LRP1B: variants seen among roughly 807,000 people sequenced by gnomAD.
The protein encoded by LRP1B is LDL receptor related protein 1B.
In LRP1B, 217 loss-of-function variants were observed where a neutral mutation model predicts 556.6. The observed-to-expected ratio is 0.39, with a 90% CI of 0.35 to 0.44. The LOEUF is 0.44. Among genes scored for constraint, LRP1B ranks in the 20% least tolerant of loss-of-function variants. The pLI, the probability that LRP1B is intolerant of heterozygous loss-of-function variation, is 1.00. For missense variants in LRP1B, 5,053 were observed against 5,620.8 expected, an observed-to-expected ratio of 0.90 and a Z score of 3.23; for synonymous variants, 2,047 against 1,865.8, an observed-to-expected ratio of 1.10 and a Z score of -2.50.
intron 3 of LRP1B, among the ~76,000 whole-genome samples, chr2:141,295,025 A>G (rs1371356121): frequency 6.6e-6 from 1 of 152,078 alleles, no homozygotes; most frequent in East Asian, 1.9e-4. Context: ...CAAAGTAGCA[A>G]AAATATTTTT....
At chr2:141,966,097 A>G (rs765724807) in intron 1 of LRP1B, among the ~76,000 whole-genome samples, 5 of 151,776 alleles carry the variant, frequency 3.3e-5, no homozygotes, top group South Asian at 2.1e-4. Context: ...TTTGAGGTAA[A>G]GAGAGGTATT....
intron 49 of LRP1B, among the ~76,000 whole-genome samples, chr2:140,524,225 T>G (rs1400256575): frequency 6.6e-6 from 1 of 151,816 alleles, no homozygotes; most frequent in African/African-American, 2.4e-5. Context: ...CATAAAAAAG[T>G]GCTCAATATC....
chr2:140,721,681 G>A lies in LRP1B; in HGVS notation c.5759-4865C>T, dbSNP rs529106341. ...TCCTGCCTCAGCCTCCTGAGTAGCT[G>A]GGAATACAGGCGCCCACCAGCACAC... On this transcript the variant is annotated intron_variant, in intron 35 of 90. Coordinates refer to ENST00000389484, the MANE Select transcript of LRP1B (RefSeq NM_018557.3). Among the ~76,000 whole-genome samples, 5 of 146,622 alleles carry A rather than the reference G, an allele frequency of 3.4e-5. No homozygotes were observed. The South Asian group carries it at 1.1e-3, about 32-fold the overall frequency.
chr2:140,622,817 G>A (rs1472711377), intron 41 of LRP1B, among the ~76,000 whole-genome samples: 2 of 152,140 alleles, frequency 1.3e-5, no homozygotes, highest in African/African-American at 4.8e-5. Context: ...ATTTGATCGT[G>A]GCCCTAAACA....
intron 3 of LRP1B, among the ~76,000 whole-genome samples, chr2:141,434,165 CTT>C (rs1374691395): frequency 3.3e-5 from 5 of 151,486 alleles, no homozygotes; most frequent in Non-Finnish European, 7.4e-5. Context: ...GGTATTATAT[CTT>C]TGAATATTTT....
At chr2:140,791,775 T>A (rs1300317921) in intron 32 of LRP1B, among the ~76,000 whole-genome samples, 2 of 152,298 alleles carry the variant, frequency 1.3e-5, no homozygotes, top group South Asian at 4.1e-4. Flanking sequence ...GTATCAGACC[T>A]TCCAGGTCTC....
At chr2:142,073,699 T>A (rs902397350) in intron 1 of LRP1B, among the ~76,000 whole-genome samples, 1 of 152,030 alleles carries the variant, frequency 6.6e-6, no homozygotes, top group Non-Finnish European at 1.5e-5. Context: ...TCAATTGTAA[T>A]CCCCATTGTT....
chr2:141,271,541 G>A (rs114115933), intron 3 of LRP1B, among the ~76,000 whole-genome samples: 269 of 151,826 alleles, frequency 1.8e-3, no homozygotes, highest in African/African-American at 6.1e-3. Context: ...CAGCAGACTC[G>A]TTATTGGAAC....
chr2:141,339,305 A>AAAAAAAAAG (rs1687966291), intron 3 of LRP1B, among the ~76,000 whole-genome samples: 1 of 149,860 alleles, frequency 6.7e-6, no homozygotes, highest in African/African-American at 2.5e-5. Flanking sequence ...TAACGCAAAA[A>AAAAAAAAAG]AAAAAAAAAG....
At chr2:141,327,215 T>G (rs1687460852) in intron 3 of LRP1B, among the ~76,000 whole-genome samples, 1 of 152,152 alleles carries the variant, frequency 6.6e-6, no homozygotes, top group Non-Finnish European at 1.5e-5. Context: ...TGATTTTAGA[T>G]CTTTTAAATT....
intron 3 of LRP1B, chr2:141,286,880 A>T (rs1365344092): frequency 3.2e-6 from 1 of 309,368 alleles, no homozygotes; most frequent in East Asian, 8.6e-5. Context: ...CTACATCGGC[A>T]TTGCCCAATC....
chr2:141,177,479 T>TA (rs926916622), intron 7 of LRP1B, among the ~76,000 whole-genome samples: 2 of 152,072 alleles, frequency 1.3e-5, no homozygotes, highest in Non-Finnish European at 2.9e-5. Flanking sequence ...AATATTTGGT[T>TA]AAAAAATCTT....
At chr2:140,440,095 T>A (rs550932111) in intron 66 of LRP1B, among the ~76,000 whole-genome samples, 1 of 152,120 alleles carries the variant, frequency 6.6e-6, no homozygotes, top group African/African-American at 2.4e-5. Flanking sequence ...ACTTTAGAAA[T>A]GAAATATCCA....
At chr2:140,414,544 C>A (rs1685099736) in intron 66 of LRP1B, among the ~76,000 whole-genome samples, 1 of 152,038 alleles carries the variant, frequency 6.6e-6, no homozygotes, top group Non-Finnish European at 1.5e-5. Context: ...TGTGGGAAGT[C>A]AGGGACCCCG....
rs1441758202 is a variant in LRP1B at position 141,539,327 on chromosome 2, T to TA, written c.206-58795dup. The stretch of plus-strand genomic sequence containing the variant: ...TCCTCTGGTCATTTTAATGTGCTTT[T>TA]AAAAACAGGCATTTTTCTAAGCAAT... On this transcript the variant is annotated intron_variant, in intron 2 of 90. Coordinates refer to ENST00000389484, the MANE Select transcript of LRP1B (RefSeq NM_018557.3). Among the ~76,000 whole-genome samples, 11 of 152,304 alleles carry TA rather than the reference T, an allele frequency of 7.2e-5. No individual in the cohort carries two copies. In the East Asian group the frequency reaches 2.1e-3, roughly 29 times the overall value.
At chr2:140,648,389 T>C (rs2105314805) in intron 41 of LRP1B, among the ~76,000 whole-genome samples, 1 of 152,178 alleles carries the variant, frequency 6.6e-6, no homozygotes, top group South Asian at 2.1e-4. Flanking sequence ...TATATGTATG[T>C]AACAAACCTG....
intron 68 of LRP1B, among the ~76,000 whole-genome samples, chr2:140,377,768 G>A (rs975123738): frequency 4.6e-5 from 7 of 152,112 alleles, no homozygotes; most frequent in Admixed American, 1.3e-4. Context: ...GACCCACATC[G>A]ATGTCTGTAA....
At chr2:141,653,598 G>A (rs1689884407) in intron 2 of LRP1B, among the ~76,000 whole-genome samples, 2 of 149,232 alleles carry the variant, frequency 1.3e-5, no homozygotes, top group African/African-American at 2.5e-5. Context: ...TACAGGTGTT[G>A]CAAAGGAATG....
chr2:140,830,910 A>G (rs1691691918), intron 31 of LRP1B, among the ~76,000 whole-genome samples: 1 of 152,156 alleles, frequency 6.6e-6, no homozygotes, highest in African/African-American at 2.4e-5. Flanking sequence ...ATATCAGCCA[A>G]TGGTGAGCAA....
Sources: gnomAD v4.1 joint callset for allele counts (sites outside exome capture counted in the v4.1 genomes callset) on GRCh38, gnomAD v4.1.1 for gene constraint, MANE v1.5 for transcripts, NCBI Gene and HGNC (gene_info 2026-07-23, HGNC 2026-07-21) for gene names.